The following IRAK1BP1 variants were observed in gnomAD, a reference collection of about 807,000 sequenced individuals.
IRAK1BP1 encodes the protein interleukin-1 receptor-associated kinase 1-binding protein 1.
In IRAK1BP1, 24 loss-of-function variants were observed where a neutral mutation model predicts 28.0. The ratio of observed to expected loss-of-function variants is 0.86; its 90% CI spans 0.62 to 1.20. The LOEUF is 1.20. Ranked by LOEUF, IRAK1BP1 falls within the 50% of genes most tolerant of loss-of-function variation. The probability of loss-of-function intolerance (pLI) is 0.00; values close to 1 mark genes in which losing one functional copy is unlikely to be tolerated. For synonymous variants in IRAK1BP1, 131 were observed against 116.3 expected, an observed-to-expected ratio of 1.13 and a Z score of -0.81; for missense variants, 336 against 316.7, an observed-to-expected ratio of 1.06 and a Z score of -0.46.
chr6:78,950,408 T>C (rs1317988012), downstream of IRAK1BP1, among the ~76,000 whole-genome samples: 1 of 152,194 alleles, frequency 6.6e-6, no homozygotes, highest in African/African-American at 2.4e-5. Context: ...CTGGAAGAGA[T>C]TGTGTAGAAT....
downstream of IRAK1BP1, among the ~76,000 whole-genome samples, chr6:78,948,619 C>G (rs571604703): frequency 1.4e-4 from 21 of 152,178 alleles, no homozygotes; most frequent in East Asian, 4.1e-3. Flanking sequence ...CTCAGCCTCT[C>G]AAGTAGCGGG....
At position 78,901,146 on chromosome 6, in the gene IRAK1BP1, T is replaced by C. The variant is rs1772080304; in HGVS notation, c.*2812T>C. 6.6e-6 allele frequency: 1 copy of C among 151,288 alleles called. No individual in the cohort carries two copies. Among genetic ancestry groups the C allele is most frequent in the Non-Finnish European group, 1.5e-5 (1 of 67,818 alleles). The allele number at this position is 151,288 out of a possible 1,614,324, so 9.4% of individuals were successfully genotyped here. ...CTGTATTTGGTTGCATCATATTTGA[T>C]AAAGAAGCTTCCAACTTAGCATGAA... is the stretch of plus-strand genomic sequence containing the variant. On this transcript the variant is annotated 3_prime_UTR_variant, in exon 4 of 4. Coordinates refer to ENST00000369940, the MANE Select transcript of IRAK1BP1 (RefSeq NM_001010844.4).
At chr6:78,940,658 T>G (rs564300933) in intron 4 of IRAK1BP1, 1 of 1,419,442 alleles carries the variant, frequency 7.0e-7, no homozygotes, top group Non-Finnish European at 9.6e-7. Flanking sequence ...CTGTACCTGC[T>G]TTATAGATTT....
chr6:78,903,061 T>G lies in IRAK1BP1; in HGVS notation c.*4727T>G. ...CCAGATAGCCATGTCACCTGTGAAT[T>G]ATCATGAATCCCACATCAAATGAAC... On this transcript the variant is annotated 3_prime_UTR_variant, in exon 4 of 4. Transcript: ENST00000369940. The G allele has an allele frequency of 6.5e-7, 1 of 1,533,474 alleles. No homozygotes were observed. The highest frequency in any genetic ancestry group is 8.7e-7 in the Non-Finnish European group (1 of 1,144,592). 95.0% of individuals were successfully genotyped at this position (1,533,474 alleles called of 1,614,324 possible). A position where few individuals can be genotyped will look rare whatever the true frequency, so the allele number is the denominator to read the frequency against.
At chr6:78,972,763 G>T in the IRAK1BP1 span, among the ~76,000 whole-genome samples, 1 of 152,124 alleles carries the variant, frequency 6.6e-6, no homozygotes, top group African/African-American at 2.4e-5. Flanking sequence ...CGATGAACTG[G>T]AAGAAAGGGT....
At chr6:78,962,966 T>A in the IRAK1BP1 span, 7 of 686,434 alleles carry the variant, frequency 1.0e-5, 1 homozygote, top group South Asian at 1.7e-4. Flanking sequence ...CAAAAAGAGA[T>A]TCCACTTAAA....
the IRAK1BP1 span, among the ~76,000 whole-genome samples, chr6:78,971,659 C>T: frequency 6.6e-6 from 1 of 152,092 alleles, no homozygotes; most frequent in East Asian, 1.9e-4. Flanking sequence ...GGGCGCAGGT[C>T]AGTGGGTGCG....
intron 2 of IRAK1BP1, among the ~76,000 whole-genome samples, chr6:78,896,985 C>T (rs1178005353): frequency 2.0e-5 from 3 of 151,982 alleles, no homozygotes; most frequent in African/African-American, 7.3e-5. Context: ...AAGGTTTAGG[C>T]TGCGTGTGGT....
chr6:78,905,015 A>G (rs989977328), downstream of IRAK1BP1, among the ~76,000 whole-genome samples: 1 of 152,216 alleles, frequency 6.6e-6, no homozygotes, highest in African/African-American at 2.4e-5. Flanking sequence ...TTTACTTGCA[A>G]ACCACAAAAT....
At chr6:78,971,022 T>C in the IRAK1BP1 span, 1 of 618,036 alleles carries the variant, frequency 1.6e-6, no homozygotes, top group South Asian at 2.1e-5. Context: ...TTCTCCCTCC[T>C]CCTTTCTCTC....
At chr6:78,943,250 T>C (rs1400553066) in intron 4 of IRAK1BP1, among the ~76,000 whole-genome samples, 1 of 152,224 alleles carries the variant, frequency 6.6e-6, no homozygotes, top group African/African-American at 2.4e-5. Context: ...TTAGGTGTCA[T>C]TATTTGTAAT....
chr6:78,929,397 T>G (rs1332958504), intron 4 of IRAK1BP1, among the ~76,000 whole-genome samples: 1 of 152,168 alleles, frequency 6.6e-6, no homozygotes, highest in Non-Finnish European at 1.5e-5. Context: ...GCAACATGGA[T>G]GCACCCCAAG....
chr6:78,956,892 A>G, the IRAK1BP1 span: 1 of 152,068 alleles, frequency 6.6e-6, no homozygotes, highest in Non-Finnish European at 1.5e-5. Flanking sequence ...AGATTTATCT[A>G]TCCTATGAAA....
At chr6:78,934,612 T>C (rs1773194414) in intron 4 of IRAK1BP1, among the ~76,000 whole-genome samples, 1 of 152,232 alleles carries the variant, frequency 6.6e-6, no homozygotes, top group African/African-American at 2.4e-5. Flanking sequence ...TTAAATGATG[T>C]ATTCTATTTA....
chr6:78,956,770 C>G, the IRAK1BP1 span: 1 of 152,062 alleles, frequency 6.6e-6, no homozygotes, highest in African/African-American at 2.4e-5. Flanking sequence ...ACTTCTCCTC[C>G]CCTGTATCTG....
chr6:78,957,175 T>C, the IRAK1BP1 span: 2 of 152,064 alleles, frequency 1.3e-5, no homozygotes, highest in Non-Finnish European at 2.9e-5. Context: ...GAAATACATT[T>C]CACAGACTTT....
At position 78,946,162 on chromosome 6, in the gene IRAK1BP1, T is replaced by C. The variant is rs759078097; in HGVS notation, c.*822T>C. The stretch of plus-strand genomic sequence containing the variant: ...TGTTTTACCGTTTATCTGAGCAGCA[T>C]TGTGTCTTGGCGGTATTGATCGTGT... On this transcript the variant is annotated 3_prime_UTR_variant and NMD_transcript_variant, in exon 5 of 5. Transcript: ENST00000606868. The C allele has an allele frequency of 2.0e-5, 33 of 1,613,928 alleles. 1 individual carries two copies. The East Asian group carries it at 2.5e-4, about 12-fold the overall frequency.
At chr6:78,923,397 A>G (rs908323226) in intron 4 of IRAK1BP1, among the ~76,000 whole-genome samples, 2 of 152,214 alleles carry the variant, frequency 1.3e-5, no homozygotes, top group African/African-American at 4.8e-5. Flanking sequence ...CACCCAATAC[A>G]GGAGCACCCA....
At chr6:78,920,713 G>T (rs1199500848) in intron 4 of IRAK1BP1, among the ~76,000 whole-genome samples, 1 of 152,122 alleles carries the variant, frequency 6.6e-6, no homozygotes, top group Non-Finnish European at 1.5e-5. Flanking sequence ...TACCATTCTT[G>T]AGATGGGCCC....
Sources: allele counts gnomAD v4.1 joint callset (sites outside exome capture counted in the v4.1 genomes callset), GRCh38; gene constraint gnomAD v4.1.1; transcripts MANE v1.5; gene names NCBI Gene and HGNC (gene_info 2026-07-23, HGNC 2026-07-21).